TACC2: variants seen among roughly 807,000 people sequenced by gnomAD.
TACC2 encodes the protein transforming acidic coiled-coil-containing protein 2.
In TACC2, 137 loss-of-function variants were observed where a neutral mutation model predicts 227.3. That is an observed-to-expected ratio of 0.60 (90% confidence interval 0.52 to 0.69). TACC2 has a LOEUF of 0.69. TACC2 is among the 30% of genes least tolerant of loss of function. The pLI, the probability that TACC2 is intolerant of heterozygous loss-of-function variation, is 0.00. For missense variants in TACC2, 3,470 were observed against 3,694.4 expected, an observed-to-expected ratio of 0.94 and a Z score of 1.57; for synonymous variants, 1,523 against 1,487.5, an observed-to-expected ratio of 1.02 and a Z score of -0.55.
Position 122,086,303 on chromosome 10 carries a change from C to A in TACC2, c.3803C>A (p.Pro1268His). 6.2e-7 allele frequency: 1 copy of A among 1,613,936 alleles called. No homozygotes were observed. Among genetic ancestry groups the A allele is most frequent in the Middle Eastern group, 1.7e-4 (1 of 6,060 alleles). The change falls in exon 4 of 23, where the codon CCC becomes CAC. Residue 1268 changes from proline to histidine, a missense_variant. By Grantham distance (77) the Pro-to-His change is moderately conservative (BLOSUM62 -2). This residue lies in a region of TACC2 where 1,924 missense variants were observed against 1,978.3 expected (regional missense o/e 0.97). Coordinates refer to ENST00000369005, the MANE Select transcript of TACC2 (RefSeq NM_206862.4). The part of the protein sequence containing the change: ...SADPRAPGES[P>H]CPVGEPPLAL... ...GACCCCAGAGCTCCTGGCGAAAGCCCCTGTCCTGTAGGGGAGCCCCCACTT... is the reference window on the plus strand; with the variant it reads ...GACCCCAGAGCTCCTGGCGAAAGCCACTGTCCTGTAGGGGAGCCCCCACTT...
At position 122,083,889 on chromosome 10, in the gene TACC2, A is replaced by G. The variant is rs1428898394; in HGVS notation, c.1389A>G (p.Ala463=). Residue 463 remains alanine, a synonymous_variant, in exon 4 of 23, where the codon GCA becomes GCG. Transcript: ENST00000369005. ...ATGCAGCCAAAGAGGTGGTGGATGC[A>G]GGGTTGGTGGGACTGGAGAGGCAGG... ...SADAAKEVVD[A]GLVGLERQVS... is the part of the protein sequence containing the mutation. 2.5e-6 allele frequency: 4 copies of G among 1,614,058 alleles called. No homozygotes were observed. The highest frequency in any genetic ancestry group is 2.2e-5 in the East Asian group (1 of 44,880).
intron 5 of TACC2, among the ~76,000 whole-genome samples, chr10:122,108,422 A>G (rs2083161851): frequency 7.0e-6 from 1 of 142,448 alleles, no homozygotes; most frequent in Admixed American, 7.2e-5. Context: ...GTGTATATAT[A>G]TATGTGTATG....
At chr10:121,992,226 G>T (rs1351990194) in intron 1 of TACC2, among the ~76,000 whole-genome samples, 1 of 152,144 alleles carries the variant, frequency 6.6e-6, no homozygotes, top group East Asian at 1.9e-4. Context: ...TGTGAAGAAG[G>T]CCCAGAACAG....
intron 6 of TACC2, among the ~76,000 whole-genome samples, chr10:122,136,545 G>GTA (rs34534253): frequency 0.18 from 9,680 of 54,746 alleles, 384 homozygotes; most frequent in Non-Finnish European, 0.28. Context: ...GTGTGTGTGT[G>GTA]TATATATATA....
At chr10:122,097,738 T>C (rs1335751120) in intron 5 of TACC2, among the ~76,000 whole-genome samples, 1 of 151,956 alleles carries the variant, frequency 6.6e-6, no homozygotes, top group African/African-American at 2.4e-5. Flanking sequence ...GGGCTGACAA[T>C]GTCTCCTGGG....
chr10:121,998,008 G>A (rs1953765289), intron 1 of TACC2, among the ~76,000 whole-genome samples: 1 of 152,040 alleles, frequency 6.6e-6, no homozygotes, highest in Non-Finnish European at 1.5e-5. Context: ...GCTGCTCAAG[G>A]AACTGACAAG....
intron 7 of TACC2, among the ~76,000 whole-genome samples, chr10:122,193,074 G>A (rs191890427): frequency 2.0e-5 from 3 of 152,334 alleles, no homozygotes; most frequent in Admixed American, 6.5e-5. Flanking sequence ...ATATTAATGA[G>A]TGTTTGTAAG....
chr10:122,098,986 C>A (rs1448935994), intron 5 of TACC2, among the ~76,000 whole-genome samples: 1 of 152,166 alleles, frequency 6.6e-6, no homozygotes, highest in African/African-American at 2.4e-5. Flanking sequence ...TAACCTCTTG[C>A]CAGGAGCGGC....
chr10:122,177,352 T>C (rs1309735195), intron 7 of TACC2, among the ~76,000 whole-genome samples: 1 of 152,154 alleles, frequency 6.6e-6, no homozygotes, highest in African/African-American at 2.4e-5. Context: ...ATTTGGAAGA[T>C]GCAGTTTGAA....
intron 7 of TACC2, among the ~76,000 whole-genome samples, chr10:122,168,109 G>A (rs1194607621): frequency 6.7e-6 from 1 of 148,498 alleles, no homozygotes; most frequent in Admixed American, 6.8e-5. Flanking sequence ...CTTGCTATGT[G>A]GCCCAGGCTG....
At chr10:122,138,089 G>A (rs2089986399) in intron 6 of TACC2, among the ~76,000 whole-genome samples, 1 of 151,754 alleles carries the variant, frequency 6.6e-6, no homozygotes, top group Non-Finnish European at 1.5e-5. Context: ...AAATCATGTA[G>A]TTTATTTTTT....
chr10:122,091,024 G>A (rs1342142771), intron 5 of TACC2, among the ~76,000 whole-genome samples: 1 of 152,162 alleles, frequency 6.6e-6, no homozygotes, highest in African/African-American at 2.4e-5. Flanking sequence ...ACAGGCATGA[G>A]CCACCATACT....
chr10:122,223,513 T>G (rs1589713548), intron 11 of TACC2, among the ~76,000 whole-genome samples: 1 of 152,300 alleles, frequency 6.6e-6, no homozygotes, highest in African/African-American at 2.4e-5. Context: ...AAAACTGTCT[T>G]CGATTTCATG....
In TACC2 at chr10:122,226,475, G is replaced by A. The variant is rs761132977; in HGVS notation, c.7718G>A (p.Cys2573Tyr). ...PVRMSESPTPCSGSSFEETEA... is the reference protein window; with the variant it reads ...PVRMSESPTPYSGSSFEETEA... ...CGCATGTCAGAGTCCCCGACGCCGT[G>A]TTCAGGGTATGACTTCCATGATGAG... Residue 2573 changes from cysteine (C) to tyrosine (Y), a missense_variant, in exon 13 of 23, where the codon TGT (cysteine) becomes TAT (tyrosine). Transcript: ENST00000369005. 8.7e-6 allele frequency: 14 copies of A among 1,611,494 alleles called. No individual in the cohort carries two copies. The highest frequency in any genetic ancestry group is 1.2e-5 in the Non-Finnish European group (14 of 1,178,202).
chr10:122,057,109 T>C (rs113359303), intron 3 of TACC2, among the ~76,000 whole-genome samples: 7 of 152,276 alleles, frequency 4.6e-5, no homozygotes, highest in African/African-American at 1.4e-4. Context: ...GGAGAATCCC[T>C]TGAACCCAGG....
At chr10:121,990,388 G>C (rs999211461) in intron 1 of TACC2, among the ~76,000 whole-genome samples, 2 of 152,058 alleles carry the variant, frequency 1.3e-5, no homozygotes, top group African/African-American at 2.4e-5. Context: ...AAAGTGCTGG[G>C]ATTATAGGTA....
chr10:122,237,643 C>A, intron 17 of TACC2, 105 bp downstream of exon 17: 1 of 1,386,880 alleles, frequency 7.2e-7, no homozygotes, highest in Non-Finnish European at 9.7e-7. Flanking sequence ...GTCCTCTGAA[C>A]GCTGCAGGCA....
chr10:122,008,264 A>ATTATTATTTATT, intron 1 of TACC2, among the ~76,000 whole-genome samples: 1 of 134,654 alleles, frequency 7.4e-6, no homozygotes, highest in East Asian at 2.1e-4. Context: ...TATTATTATT[A>ATTATTATTTATT]TTTTTTTTTT....
At chr10:122,117,435 T>C (rs1033855651) in intron 5 of TACC2, among the ~76,000 whole-genome samples, 5 of 152,174 alleles carry the variant, frequency 3.3e-5, no homozygotes, top group African/African-American at 1.2e-4. Flanking sequence ...TGTCAAGTTA[T>C]CTGCCCAGCT....
Sources: gnomAD v4.1 joint callset for allele counts (sites outside exome capture counted in the v4.1 genomes callset) on GRCh38, gnomAD v4.1.1 for gene constraint, gnomAD v4.1.1 regional missense constraint, MANE v1.5 for transcripts, NCBI Gene and HGNC (gene_info 2026-07-23, HGNC 2026-07-21) for gene names.